Variants in PTPN9 observed in about 807,000 individuals in gnomAD.
The protein encoded by PTPN9 is protein tyrosine phosphatase non-receptor type 9, also known as tyrosine-protein phosphatase non-receptor type 9.
Under a neutral mutation model 69.8 loss-of-function variants are expected in PTPN9, and 26 were observed. That is an observed-to-expected ratio of 0.37 (90% confidence interval 0.27 to 0.52). The LOEUF is 0.52. Ranked by LOEUF, PTPN9 falls within the 20% of genes least tolerant of loss-of-function variation. The probability of loss-of-function intolerance (pLI) is 0.91; values close to 1 mark genes in which losing one functional copy is unlikely to be tolerated. For synonymous variants in PTPN9, 274 were observed against 272.5 expected (o/e 1.01, Z -0.05); for missense variants, 549 against 740.3 (o/e 0.74, Z 3.00).
At chr15:75,543,968 C>G (rs1008470800) in intron 1 of PTPN9, among the ~76,000 whole-genome samples, 2 of 152,116 alleles carry the variant, frequency 1.3e-5, no homozygotes, top group African/African-American at 4.8e-5. Context: ...GAGGAGTGTG[C>G]CACTCTCACT....
intron 7 of PTPN9, among the ~76,000 whole-genome samples, chr15:75,498,089 G>A (rs1406787387): frequency 6.6e-6 from 1 of 151,708 alleles, no homozygotes; most frequent in African/African-American, 2.4e-5. Flanking sequence ...CCAGCTACTT[G>A]GGAGACTGAG....
At chr15:75,559,120 G>A (rs560171268) in intron 1 of PTPN9, among the ~76,000 whole-genome samples, 1 of 152,014 alleles carries the variant, frequency 6.6e-6, no homozygotes, top group African/African-American at 2.4e-5. Flanking sequence ...TCTGAGATGT[G>A]GGGAGCGCCT....
At chr15:75,497,010 G>A (rs1461278731) in intron 7 of PTPN9, among the ~76,000 whole-genome samples, 1 of 151,984 alleles carries the variant, frequency 6.6e-6, no homozygotes, top group East Asian at 1.9e-4. Context: ...AATTACAAAG[G>A]TCACACATAT....
Position 75,470,847 on chromosome 15 carries a change from C to T in PTPN9, c.1209-17G>A. The T allele has an allele frequency of 1.2e-6, 2 of 1,611,320 alleles. No homozygotes were observed. Among genetic ancestry groups the T allele is most frequent in the Non-Finnish European group, 1.7e-6 (2 of 1,178,540 alleles). ...TCCTCAAAGCTGAAGACACACAGAG[C>T]AAGGTAAGCCTTCCATCGTTCCTCT... is the stretch of plus-strand genomic sequence containing the variant. On this transcript the variant is annotated splice_polypyrimidine_tract_variant and intron_variant, in intron 10 of 12. Coordinates refer to ENST00000618819, the MANE Select transcript of PTPN9 (RefSeq NM_002833.4).
intron 1 of PTPN9, among the ~76,000 whole-genome samples, chr15:75,567,085 G>A (rs60637257): frequency 4.7e-5 from 7 of 149,114 alleles, no homozygotes; most frequent in Admixed American, 1.4e-4. Flanking sequence ...GCGTGATCTC[G>A]GCTCACTGCA....
At chr15:75,505,340 T>TG in intron 7 of PTPN9, among the ~76,000 whole-genome samples, 1 of 149,822 alleles carries the variant, frequency 6.7e-6, no homozygotes, top group Middle Eastern at 3.4e-3. Context: ...CAGGGTCCTC[T>TG]GCCTAGGAAA....
chr15:75,541,104 A>G (rs991178840), intron 1 of PTPN9, among the ~76,000 whole-genome samples: 6 of 152,004 alleles, frequency 3.9e-5, no homozygotes, highest in African/African-American at 1.4e-4. Flanking sequence ...AAAATAAAAA[A>G]AAAGAGACAG....
chr15:75,542,985 G>A (rs573478784), intron 1 of PTPN9, among the ~76,000 whole-genome samples: 3 of 146,206 alleles, frequency 2.1e-5, no homozygotes, highest in African/African-American at 7.7e-5. Context: ...ATCTCCTAAT[G>A]CTATCCCTCC....
At chr15:75,482,563 TCAAA>T (rs2074646336) in intron 8 of PTPN9, among the ~76,000 whole-genome samples, 1 of 41,282 alleles carries the variant, frequency 2.4e-5, no homozygotes, top group African/African-American at 1.2e-4. Flanking sequence ...AGACTCCGTC[TCAAA>T]AAAAAAAAAA....
intron 9 of PTPN9, among the ~76,000 whole-genome samples, chr15:75,478,463 T>G (rs192727395): frequency 5.9e-5 from 9 of 152,096 alleles, no homozygotes; most frequent in Non-Finnish European, 1.3e-4. Flanking sequence ...TGGAGTGCAG[T>G]GGCACGATCT....
At chr15:75,488,113 T>C (rs928499433) in intron 8 of PTPN9, among the ~76,000 whole-genome samples, 2 of 151,792 alleles carry the variant, frequency 1.3e-5, no homozygotes, top group Non-Finnish European at 2.9e-5. Context: ...AAACCCCGTA[T>C]CTACTAAAAA....
In PTPN9 at chr15:75,464,279, T is replaced by TAG. The variant is rs564729598; in HGVS notation, c.*4488_*4489dup. The stretch of plus-strand genomic sequence containing the variant: ...GGGCAACATAGTGAGATCCTGTCTC[T>TAG]AGAGAGAGAGAGAGAAAAAAAAAAA... On this transcript the variant is annotated 3_prime_UTR_variant, in exon 13 of 13. Coordinates refer to ENST00000618819, the MANE Select transcript of PTPN9 (RefSeq NM_002833.4). 3.3e-3 allele frequency: 494 copies of TAG among 149,272 alleles called. 6 individuals are homozygous for TAG. The highest frequency in any genetic ancestry group is 9.1e-3 in the African/African-American group (369 of 40,350). The allele number at this position is 149,272 out of a possible 1,614,324, so 9.2% of individuals were successfully genotyped here.
intron 7 of PTPN9, among the ~76,000 whole-genome samples, chr15:75,504,471 GA>G (rs2074802659): frequency 7.3e-6 from 1 of 136,294 alleles, no homozygotes; most frequent in Non-Finnish European, 1.6e-5. Flanking sequence ...CCCGGTCCGG[GA>G]GGGAGGTGGA....
At chr15:75,473,411 G>A (rs1428796633) in intron 10 of PTPN9, among the ~76,000 whole-genome samples, 1 of 151,962 alleles carries the variant, frequency 6.6e-6, no homozygotes, top group Non-Finnish European at 1.5e-5. Context: ...CACAATGCCC[G>A]GCTAATTTTT....
chr15:75,471,434 C>T (rs1421513182), intron 10 of PTPN9, among the ~76,000 whole-genome samples: 1 of 152,022 alleles, frequency 6.6e-6, no homozygotes. Context: ...GAAACCCTAT[C>T]TCTACTAAAA....
At position 75,505,687 on chromosome 15, in the gene PTPN9, A is replaced by C; in HGVS notation, c.956T>G (p.Phe319Cys). ...DIRRENPVGTFHCSMSPGNLE... is the reference protein window; with the variant it reads ...DIRRENPVGTCHCSMSPGNLE... ...TTTTTCTACTTACATGGAACAGTGGAAAGTGCCAACAGGGTTCTCACGACG... is the reference window on the plus strand; with the variant it reads ...TTTTTCTACTTACATGGAACAGTGGCAAGTGCCAACAGGGTTCTCACGACG... The change falls in exon 7 of 13, where the codon TTC (phenylalanine) becomes TGC (cysteine). Residue 319 changes from phenylalanine (F) to cysteine (C), a missense_variant. By Grantham distance (205) the Phe-to-Cys change is radical (BLOSUM62 -2). Coordinates refer to ENST00000618819, the MANE Select transcript of PTPN9 (RefSeq NM_002833.4). The C allele has an allele frequency of 1.9e-6, 3 of 1,613,400 alleles. No homozygotes were observed. The highest frequency in any genetic ancestry group is 2.5e-6 in the Non-Finnish European group (3 of 1,179,508).
intron 7 of PTPN9, among the ~76,000 whole-genome samples, chr15:75,497,427 G>C (rs2074748786): frequency 6.6e-6 from 1 of 152,188 alleles, no homozygotes; most frequent in African/African-American, 2.4e-5. Flanking sequence ...AGGAGGTTAA[G>C]GCTGCCATAA....
At chr15:75,499,827 C>T (rs1291788296) in intron 7 of PTPN9, among the ~76,000 whole-genome samples, 1 of 152,098 alleles carries the variant, frequency 6.6e-6, no homozygotes, top group African/African-American at 2.4e-5. Flanking sequence ...GATAAGTGTG[C>T]ATCCTCTTAG....
intron 9 of PTPN9, among the ~76,000 whole-genome samples, chr15:75,477,939 C>A (rs2074605899): frequency 6.8e-6 from 1 of 147,676 alleles, no homozygotes; most frequent in African/African-American, 2.5e-5. Context: ...CTCCCAGGTT[C>A]AAGCAATTCT....
Sources: gnomAD v4.1 joint callset for allele counts (sites outside exome capture counted in the v4.1 genomes callset) on GRCh38, gnomAD v4.1.1 for gene constraint, MANE v1.5 for transcripts, NCBI Gene and HGNC (gene_info 2026-07-23, HGNC 2026-07-21) for gene names.